The following MCUB variants were observed in gnomAD, a reference collection of about 807,000 sequenced individuals.
The protein encoded by MCUB is calcium uniporter regulatory subunit MCUb, mitochondrial.
A neutral mutation model predicts 41.4 loss-of-function variants in MCUB; 46 were observed. The observed-to-expected ratio is 1.11, with a 90% CI of 0.88 to 1.42. The LOEUF is 1.42. MCUB is among the 40% of genes most tolerant of loss of function. MCUB has a pLI of 0.00. For synonymous variants in MCUB, 148 were observed against 148.2 expected (o/e 1.00, Z 0.01); for missense variants, 403 against 404.9 (o/e 1.00, Z 0.04).
At chr4:109,618,867 T>C (rs1728184760) in intron 1 of MCUB, among the ~76,000 whole-genome samples, 1 of 152,112 alleles carries the variant, frequency 6.6e-6, no homozygotes, top group South Asian at 2.1e-4. Context: ...AACAATAAGC[T>C]TCTTAGAAGA....
In MCUB at chr4:109,678,455, C is replaced by T. The variant is rs183017761; in HGVS notation, c.452-4127C>T. On this transcript the variant is annotated intron_variant, in intron 4 of 7. Coordinates refer to ENST00000394650, the MANE Select transcript of MCUB (RefSeq NM_017918.5). The stretch of plus-strand genomic sequence containing the variant: ...CAGATGATGGGCGGGCGGGCAGAGA[C>T]GCTCCTCACCTCCCAGACGGGGCGG... Among the ~76,000 whole-genome samples, 619 of 137,602 alleles carry T rather than the reference C, an allele frequency of 4.5e-3. 1 individual carries two copies. Among genetic ancestry groups the T allele is most frequent in the African/African-American group, 0.016 (581 of 35,876 alleles). 90.3% of individuals were successfully genotyped at this position (137,602 alleles called of 152,430 possible).
At chr4:109,608,032 C>T (rs1478721763) in intron 1 of MCUB, among the ~76,000 whole-genome samples, 2 of 152,118 alleles carry the variant, frequency 1.3e-5, no homozygotes, top group Non-Finnish European at 2.9e-5. Context: ...AGATATGACC[C>T]TTTGAAGCCC....
intron 1 of MCUB, among the ~76,000 whole-genome samples, chr4:109,585,342 C>G (rs1232433635): frequency 6.6e-6 from 1 of 152,144 alleles, no homozygotes; most frequent in Non-Finnish European, 1.5e-5. Context: ...CTGTGTGTGT[C>G]TCTGCATGTG....
intron 4 of MCUB, among the ~76,000 whole-genome samples, chr4:109,665,156 G>C (rs901900151): frequency 3.9e-5 from 6 of 152,104 alleles, no homozygotes; most frequent in African/African-American, 1.4e-4. Flanking sequence ...TCTTGGTGTT[G>C]TATATTCTAT....
intron 1 of MCUB, among the ~76,000 whole-genome samples, chr4:109,631,793 A>G (rs1254336214): frequency 6.6e-6 from 1 of 151,908 alleles, no homozygotes; most frequent in African/African-American, 2.4e-5. Flanking sequence ...ACCTTCCTTT[A>G]TTCAGCCCAG....
At chr4:109,674,012 C>T (rs1404963668) in intron 4 of MCUB, 1 of 1,225,276 alleles carries the variant, frequency 8.2e-7, no homozygotes, top group African/African-American at 1.5e-5. Context: ...ACTAAAATGT[C>T]CATTCATCTG....
At chr4:109,687,473 C>T (rs1351308428) in intron 7 of MCUB, 42 bp from the exon 8 acceptor site, 1 of 1,373,318 alleles carries the variant, frequency 7.3e-7, no homozygotes, top group East Asian at 2.3e-5. Flanking sequence ...TGGTATGTTT[C>T]TCTTCTTTCT....
chr4:109,649,743 T>C (rs1728917523), intron 1 of MCUB, among the ~76,000 whole-genome samples: 1 of 110,364 alleles, frequency 9.1e-6, no homozygotes, highest in South Asian at 3.3e-4. Context: ...TCATTTATTA[T>C]GATTTTTTAA....
At chr4:109,622,835 G>A (rs1728279655) in intron 1 of MCUB, among the ~76,000 whole-genome samples, 2 of 152,194 alleles carry the variant, frequency 1.3e-5, no homozygotes, top group South Asian at 4.1e-4. Context: ...GCAATATGCA[G>A]TACAATACTC....
At chr4:109,601,108 TA>T (rs70954169) in intron 1 of MCUB, among the ~76,000 whole-genome samples, 80,459 of 151,762 alleles carry the variant, frequency 0.53, 21,661 homozygotes, top group South Asian at 0.69. Context: ...TATCTTTTTT[TA>T]AAAAAAAGTA....
intron 4 of MCUB, chr4:109,681,320 G>A (rs1010359106): frequency 3.4e-6 from 1 of 294,058 alleles, no homozygotes; most frequent in Admixed American, 4.2e-5. Flanking sequence ...CAAATAAGTT[G>A]GTTAAAGGTA....
chr4:109,668,080 G>A lies in MCUB; in HGVS notation c.451+3686G>A, dbSNP rs142098698. Among the ~76,000 whole-genome samples, 14 of 152,122 alleles carry A rather than the reference G, an allele frequency of 9.2e-5. 1 individual carries two copies. The East Asian group carries it at 2.7e-3, about 29-fold the overall frequency. ...TCATTGTGATCTGTCTTGATGAGAT[G>A]TTCCCTGTGAACTTGAGAATGTGTA... is the stretch of plus-strand genomic sequence containing the variant. On this transcript the variant is annotated intron_variant, in intron 4 of 7. Coordinates refer to ENST00000394650, the MANE Select transcript of MCUB (RefSeq NM_017918.5).
intron 1 of MCUB, among the ~76,000 whole-genome samples, chr4:109,631,801 C>T (rs999490663): frequency 5.3e-5 from 8 of 152,110 alleles, no homozygotes; most frequent in African/African-American, 1.9e-4. Context: ...TTATTCAGCC[C>T]AGGGGTCCTC....
intron 1 of MCUB, among the ~76,000 whole-genome samples, chr4:109,599,967 A>G (rs781124466): frequency 3.9e-5 from 6 of 152,202 alleles, no homozygotes; most frequent in Non-Finnish European, 7.4e-5. Context: ...ACCGCACCCC[A>G]TGTTGATATT....
intron 1 of MCUB, among the ~76,000 whole-genome samples, chr4:109,561,527 A>G (rs140081800): frequency 6.6e-6 from 1 of 152,330 alleles, no homozygotes; most frequent in African/African-American, 2.4e-5. Context: ...TTGAAAGAGA[A>G]TGAGGAAGGC....
At chr4:109,603,517 C>G (rs905654513) in intron 1 of MCUB, among the ~76,000 whole-genome samples, 2 of 152,204 alleles carry the variant, frequency 1.3e-5, no homozygotes, top group Non-Finnish European at 2.9e-5. Context: ...CCGGCCGCCA[C>G]CCCGTCTAGG....
intron 1 of MCUB, among the ~76,000 whole-genome samples, chr4:109,561,983 CGTT>C (rs891150420): frequency 8.5e-5 from 13 of 152,154 alleles, no homozygotes; most frequent in Non-Finnish European, 1.8e-4. Flanking sequence ...GAACTCCTGA[CGTT>C]GTGATCCGCC....
At chr4:109,647,983 A>G (rs1469065298) in intron 1 of MCUB, among the ~76,000 whole-genome samples, 5 of 152,246 alleles carry the variant, frequency 3.3e-5, no homozygotes, top group African/African-American at 1.2e-4. Flanking sequence ...GATCTGAACT[A>G]GAGGAAAAAG....
At chr4:109,569,579 C>T (rs1726862956) in intron 1 of MCUB, among the ~76,000 whole-genome samples, 1 of 131,510 alleles carries the variant, frequency 7.6e-6, no homozygotes, top group African/African-American at 3.0e-5. Context: ...TTTTGGCTTA[C>T]TGCACCCTCT....
Sources: gnomAD v4.1 joint callset for allele counts (sites outside exome capture counted in the v4.1 genomes callset) on GRCh38, gnomAD v4.1.1 for gene constraint, MANE v1.5 for transcripts, NCBI Gene and HGNC (gene_info 2026-07-23, HGNC 2026-07-21) for gene names.